CDKL5: variants seen among roughly 807,000 people sequenced by gnomAD.
CDKL5 encodes cyclin-dependent kinase-like 5.
A neutral mutation model predicts 61.7 loss-of-function variants in CDKL5; 8 were observed. That is an observed-to-expected ratio of 0.13 (90% CI 0.08 to 0.23). The LOEUF is 0.23. CDKL5 is among the 10% of genes least tolerant of loss of function. The pLI, the probability that CDKL5 is intolerant of heterozygous loss-of-function variation, is 1.00. For missense variants in CDKL5, 440 were observed against 734.5 expected (o/e 0.60, Z 4.63); for synonymous variants, 275 against 272.3 (o/e 1.01, Z -0.10).
At chrX:18,519,012 G>A (rs1025353466) in intron 3 of CDKL5, among the ~76,000 whole-genome samples, 1 of 110,675 alleles carries the variant, frequency 9.0e-6, no homozygotes. Context: ...TGTGTCAGAG[G>A]GCCCAGAATC....
intron 3 of CDKL5, among the ~76,000 whole-genome samples, chrX:18,543,994 T>G (rs1016268179): frequency 1.1e-4 from 12 of 111,950 alleles, no homozygotes; most frequent in African/African-American, 3.9e-4. Context: ...AATTAAACCC[T>G]TTGCCAGGAG....
chrX:18,479,424 A>G (rs1921461673), intron 1 of CDKL5, among the ~76,000 whole-genome samples: 1 of 98,667 alleles, frequency 1.0e-5, no homozygotes, highest in African/African-American at 3.9e-5. Flanking sequence ...AGTTCACGCC[A>G]TTCTCCTGCG....
intron 1 of CDKL5, among the ~76,000 whole-genome samples, chrX:18,479,337 T>TTTG (rs1384774770): frequency 1.0e-5 from 1 of 97,370 alleles, no homozygotes; most frequent in Non-Finnish European, 2.1e-5. Context: ...TTTTTTTTTT[T>TTTG]GAGATGGAGT....
At position 18,598,488 on chromosome X, in the gene CDKL5, C is replaced by G. The variant is rs762927814; in HGVS notation, c.852C>G (p.Asp284Glu). 8.3e-7 allele frequency: 1 copy of G among 1,206,022 alleles called. No individual in the cohort carries two copies. The highest frequency in any genetic ancestry group is 1.1e-6 in the Non-Finnish European group (1 of 891,444). Residue 284 changes from aspartate to glutamate, a missense_variant, in exon 11 of 18, where the codon GAC becomes GAG. Physicochemically the swap from Asp to Glu is conservative, Grantham distance 45. Around this residue, in one of 2 missense-constraint regions of CDKL5, gnomAD observed 77 missense variants for 218.2 expected, o/e 0.35. Transcript: ENST00000623535. ...ATTTACTGAAGTTGGACCCAGCTGA[C>G]AGATACTTGACAGAACAGTGTTTGA... ...MKNLLKLDPA[D>E]RYLTEQCLNH...
At chrX:18,541,622 C>T (rs1391870077) in intron 3 of CDKL5, among the ~76,000 whole-genome samples, 1 of 111,488 alleles carries the variant, frequency 9.0e-6, no homozygotes, top group Non-Finnish European at 1.9e-5. Flanking sequence ...CCTTCACCTC[C>T]CTAGGCTCAG....
chrX:18,484,137 A>C (rs1344598374), intron 1 of CDKL5, among the ~76,000 whole-genome samples: 3 of 112,007 alleles, frequency 2.7e-5, no homozygotes, highest in African/African-American at 9.7e-5. Context: ...TCTCTATCAG[A>C]TTCTGGATTC....
chrX:18,632,199 C>T lies in CDKL5; in HGVS notation c.*3442C>T. ...TGCAGGTGTGATTTCTTCAACATCA[C>T]ATTCTCTTAAGAGTCTTCAACCACT... On this transcript the variant is annotated 3_prime_UTR_variant, in exon 18 of 18. Coordinates refer to ENST00000623535, the MANE Select transcript of CDKL5 (RefSeq NM_001323289.2). 5 of 752,578 alleles carry T rather than the reference C, an allele frequency of 6.6e-6. No homozygotes were observed. The highest frequency in any genetic ancestry group is 2.3e-5 in the African/African-American group (1 of 43,883). The allele number at this position is 752,578 out of a possible 1,213,427, so 62.0% of individuals were successfully genotyped here.
chrX:18,458,964 C>G (rs1199457485), intron 1 of CDKL5, among the ~76,000 whole-genome samples: 1 of 111,947 alleles, frequency 8.9e-6, no homozygotes, highest in Admixed American at 9.5e-5. Flanking sequence ...ACCTGTATTT[C>G]CTTCCTTCAG....
At chrX:18,547,509 A>G (rs1403217771) in intron 3 of CDKL5, among the ~76,000 whole-genome samples, 1 of 112,592 alleles carries the variant, frequency 8.9e-6, no homozygotes, top group Non-Finnish European at 1.9e-5. Context: ...CTTGACATCA[A>G]GTAACCAGAC....
rs1218990219 is a variant in CDKL5, at chrX:18,619,908, A to G, written c.2318A>G (p.Glu773Gly). Residue 773 changes from glutamate to glycine, a missense_variant, in exon 16 of 18, where the codon GAA becomes GGA. Physicochemically the swap from Glu to Gly is moderately conservative, Grantham distance 98. Coordinates refer to ENST00000623535, the MANE Select transcript of CDKL5 (RefSeq NM_001323289.2). ...ENISHSEQLK[E>G]KEKQGFFRSM... is the part of the protein sequence containing the mutation. ...ATTAGTCATTCAGAGCAACTCAAGG[A>G]AAAAGAGAAGCAAGGATTTTTCAGG... 8.3e-7 allele frequency: 1 copy of G among 1,204,424 alleles called. No individual in the cohort carries two copies.
intron 1 of CDKL5, among the ~76,000 whole-genome samples, chrX:18,431,126 G>C (rs952376671): frequency 1.8e-5 from 2 of 110,974 alleles, no homozygotes; most frequent in Admixed American, 9.6e-5. Context: ...GCCTCCCAAA[G>C]TGTTGGGACT....
At chrX:18,582,590 A>G (rs1186927411) in intron 7 of CDKL5, among the ~76,000 whole-genome samples, 1 of 111,790 alleles carries the variant, frequency 8.9e-6, no homozygotes, top group Non-Finnish European at 1.9e-5. Context: ...TTTTTAAAAT[A>G]ATAGTTTTGC....
chrX:18,611,764 G>A (rs1344365109), intron 14 of CDKL5, among the ~76,000 whole-genome samples: 2 of 111,758 alleles, frequency 1.8e-5, no homozygotes, highest in Non-Finnish European at 1.9e-5. Context: ...GAGCTTGGCA[G>A]GTGGAATGTT....
intron 1 of CDKL5, chrX:18,443,803 T>C (rs993728704): frequency 9.0e-6 from 1 of 111,572 alleles, no homozygotes; most frequent in African/African-American, 3.3e-5. Context: ...CGTTAATTTT[T>C]AGTTTTTTGG....
intron 3 of CDKL5, among the ~76,000 whole-genome samples, chrX:18,543,911 C>T (rs1924106521): frequency 8.9e-6 from 1 of 111,863 alleles, no homozygotes; most frequent in Non-Finnish European, 1.9e-5. Flanking sequence ...AGATAAGCCT[C>T]CTTTGGTTTA....
intron 11 of CDKL5, 51 bp from the exon 12 acceptor site, chrX:18,603,851 G>A (rs1034114497): frequency 5.1e-6 from 6 of 1,180,917 alleles, no homozygotes; most frequent in African/African-American, 3.5e-5. Flanking sequence ...AATACTTTTT[G>A]TGTGTCAGCT....
intron 2 of CDKL5, among the ~76,000 whole-genome samples, chrX:18,509,197 G>GCACACACACACACACACACACA (rs60516677): frequency 1.2e-4 from 8 of 64,308 alleles, no homozygotes; most frequent in Non-Finnish European, 2.0e-4. Context: ...CTCAAAACAC[G>GCACACACACACACACACACACA]CACACACACA....
chrX:18,533,548 A>C (rs188910034), intron 3 of CDKL5, among the ~76,000 whole-genome samples: 1 of 112,238 alleles, frequency 8.9e-6, no homozygotes, highest in Non-Finnish European at 1.9e-5. Context: ...TGTGCTAACA[A>C]TTCAACTGAA....
intron 3 of CDKL5, among the ~76,000 whole-genome samples, chrX:18,540,156 GGTTGTTGTT>G (rs745863506): frequency 1.2e-4 from 13 of 109,121 alleles, no homozygotes; most frequent in East Asian, 2.9e-4. Context: ...TTACTTTCTT[GGTTGTTGTT>G]GTTGTTGTTG....
Sources: allele counts gnomAD v4.1 joint callset (sites outside exome capture counted in the v4.1 genomes callset), GRCh38; gene constraint gnomAD v4.1.1; regional missense constraint gnomAD v4.1.1; transcripts MANE v1.5; gene names NCBI Gene and HGNC (gene_info 2026-07-23, HGNC 2026-07-21).